Variants in ZFHX3 observed in about 807,000 individuals in gnomAD.
ZFHX3 encodes the protein zinc finger homeobox 3, also known as zinc finger homeobox protein 3.
In ZFHX3, 42 loss-of-function variants were observed where a neutral mutation model predicts 279.1. That is an observed-to-expected ratio of 0.15 (90% CI 0.12 to 0.19). ZFHX3 has a LOEUF of 0.19. Ranked by LOEUF, ZFHX3 falls within the 10% of genes least tolerant of loss-of-function variation. ZFHX3 has a pLI of 1.00. For missense variants in ZFHX3, 4,981 were observed against 4,754.0 expected, an observed-to-expected ratio of 1.05 and a Z score of -1.40; for synonymous variants, 2,293 against 1,957.8, an observed-to-expected ratio of 1.17 and a Z score of -4.52.
At chr16:73,640,940 T>C (rs1449364239) in intron 2 of ZFHX3, among the ~76,000 whole-genome samples, 1 of 152,090 alleles carries the variant, frequency 6.6e-6, no homozygotes, top group Non-Finnish European at 1.5e-5. Flanking sequence ...CTTCTAGATG[T>C]TTCCAGAAGG....
chr16:73,468,016 A>C (rs146167944), intron 2 of ZFHX3, among the ~76,000 whole-genome samples: 72 of 152,324 alleles, frequency 4.7e-4, no homozygotes, highest in African/African-American at 1.7e-3. Flanking sequence ...TCAGAAGTGG[A>C]ATTTTGGCCA....
intron 7 of ZFHX3, among the ~76,000 whole-genome samples, chr16:72,806,762 G>A (rs2036279394): frequency 1.3e-5 from 2 of 151,938 alleles, no homozygotes. Context: ...AAAAGTGCAG[G>A]CAACACAGGG....
chr16:73,175,405 A>AAAC (rs1555502728), intron 5 of ZFHX3, among the ~76,000 whole-genome samples: 6 of 138,864 alleles, frequency 4.3e-5, no homozygotes, highest in African/African-American at 1.6e-4. Context: ...AACAAACAAA[A>AAAC]AAACCACTGG....
chr16:72,821,481 A>C (rs183415923), intron 5 of ZFHX3, among the ~76,000 whole-genome samples: 2 of 152,200 alleles, frequency 1.3e-5, no homozygotes, highest in Admixed American at 1.3e-4. Flanking sequence ...AAGGCCTAGG[A>C]TAAGTGACCT....
At position 72,788,544 on chromosome 16, in the gene ZFHX3, TTCCTTC is replaced by T. The variant is rs1379183032; in HGVS notation, c.9726_9731del (p.Glu3244_Lys3245del). The T allele has an allele frequency of 1.9e-6, 3 of 1,614,188 alleles. No individual in the cohort carries two copies. The highest frequency in any genetic ancestry group is 2.5e-6 in the Non-Finnish European group (3 of 1,180,042). ...GTTCCCCTTTCCCTTTGTGTGCCTT[TTCCTTC>T]TCCTTTACTTTCTCACTGTCTTTGT... On this transcript the variant is annotated inframe_deletion, in exon 10 of 10. Coordinates refer to ENST00000268489, the MANE Select transcript of ZFHX3 (RefSeq NM_006885.4).
chr16:73,396,198 T>A (rs2017126318), intron 3 of ZFHX3, among the ~76,000 whole-genome samples: 1 of 152,142 alleles, frequency 6.6e-6, no homozygotes, highest in African/African-American at 2.4e-5. Flanking sequence ...TCCTTTCTAG[T>A]TTGTATGATG....
intron 2 of ZFHX3, among the ~76,000 whole-genome samples, chr16:73,669,075 T>A (rs1230831474): frequency 2.0e-5 from 3 of 151,650 alleles, no homozygotes; most frequent in East Asian, 3.9e-4. Context: ...TATTTTCTAT[T>A]TTTTTTTAAG....
chr16:73,320,439 A>G (rs189894405), intron 3 of ZFHX3, among the ~76,000 whole-genome samples: 1 of 152,304 alleles, frequency 6.6e-6, no homozygotes, highest in Non-Finnish European at 1.5e-5. Context: ...ATCGAACATA[A>G]AAGTCCATTG....
At chr16:72,934,463 G>T (rs1755640454) in intron 3 of ZFHX3, among the ~76,000 whole-genome samples, 1 of 152,086 alleles carries the variant, frequency 6.6e-6, no homozygotes, top group South Asian at 2.1e-4. Flanking sequence ...AAGTATGTGA[G>T]AAGAAGTTCC....
chr16:73,162,910 C>T (rs771206765), intron 5 of ZFHX3, among the ~76,000 whole-genome samples: 6 of 152,208 alleles, frequency 3.9e-5, no homozygotes, highest in Non-Finnish European at 1.5e-5. Context: ...ATTCTAACTA[C>T]GTCCTCAGAA....
At chr16:73,500,067 TTA>T in intron 2 of ZFHX3, 1 of 152,368 alleles carries the variant, frequency 6.6e-6, no homozygotes, top group South Asian at 2.1e-4. Flanking sequence ...TGTCATTATT[TTA>T]GAGTGTGCTC....
chr16:73,508,241 TG>T (rs2143680695), intron 2 of ZFHX3, among the ~76,000 whole-genome samples: 1 of 152,326 alleles, frequency 6.6e-6, no homozygotes, highest in Non-Finnish European at 1.5e-5. Flanking sequence ...CATTAAGGTT[TG>T]GGGTAATTAA....
intron 2 of ZFHX3, among the ~76,000 whole-genome samples, chr16:73,617,397 C>T (rs2052315520): frequency 6.6e-6 from 1 of 152,174 alleles, no homozygotes; most frequent in Admixed American, 6.5e-5. Flanking sequence ...CACTGGGGAT[C>T]GTGCAGGTAC....
At chr16:73,258,476 A>T (rs1003306018) in intron 4 of ZFHX3, among the ~76,000 whole-genome samples, 1 of 151,536 alleles carries the variant, frequency 6.6e-6, no homozygotes, top group Non-Finnish European at 1.5e-5. Context: ...CAGCCTCCCG[A>T]GTAACTGGGA....
intron 8 of ZFHX3, among the ~76,000 whole-genome samples, chr16:73,071,282 T>G (rs1597147332): frequency 6.6e-6 from 1 of 152,018 alleles, no homozygotes; most frequent in African/African-American, 2.4e-5. Context: ...CATGCTTTCT[T>G]TCTTTATTTA....
intron 4 of ZFHX3, chr16:73,293,816 C>G (rs1472823341): frequency 6.6e-6 from 1 of 152,100 alleles, no homozygotes; most frequent in Admixed American, 6.5e-5. Context: ...GTATTACTGG[C>G]AAAGTCAACG....
chr16:72,856,962 G>C (rs2037768203), intron 4 of ZFHX3, among the ~76,000 whole-genome samples: 1 of 152,216 alleles, frequency 6.6e-6, no homozygotes, highest in Non-Finnish European at 1.5e-5. Flanking sequence ...AGGGCAGCCA[G>C]TAAGGAGAAC....
chr16:73,367,010 G>A (rs1486029763), intron 3 of ZFHX3, among the ~76,000 whole-genome samples: 2 of 151,812 alleles, frequency 1.3e-5, no homozygotes, highest in Non-Finnish European at 2.9e-5. Flanking sequence ...ATTCAACGCT[G>A]ACACACTCAT....
intron 2 of ZFHX3, among the ~76,000 whole-genome samples, chr16:73,529,821 G>C (rs961464303): frequency 6.6e-6 from 1 of 152,146 alleles, no homozygotes; most frequent in African/African-American, 2.4e-5. Context: ...GTTTCTCCGT[G>C]GCTTCATTAG....
Sources: allele counts gnomAD v4.1 joint callset (sites outside exome capture counted in the v4.1 genomes callset), GRCh38; gene constraint gnomAD v4.1.1; transcripts MANE v1.5; gene names NCBI Gene and HGNC (gene_info 2026-07-23, HGNC 2026-07-21).